Variants in PDE1C observed in about 807,000 individuals in gnomAD.
PDE1C encodes phosphodiesterase 1C.
Under a neutral mutation model 93.1 loss-of-function variants are expected in PDE1C, and 62 were observed. The ratio of observed to expected loss-of-function variants is 0.67; its 90% CI spans 0.54 to 0.82. The LOEUF (loss-of-function observed/expected upper bound fraction) is 0.82, where lower values mean the gene tolerates loss of function less well. Among genes scored for constraint, PDE1C ranks in the 40% least tolerant of loss-of-function variants. PDE1C has a pLI of 0.00. For synonymous variants in PDE1C, 325 were observed against 310.1 expected, an observed-to-expected ratio of 1.05 and a Z score of -0.50; for missense variants, 742 against 884.6, an observed-to-expected ratio of 0.84 and a Z score of 2.04.
At chr7:31,650,573 C>T in the PDE1C span, among the ~76,000 whole-genome samples, 1 of 152,144 alleles carries the variant, frequency 6.6e-6, no homozygotes, top group Non-Finnish European at 1.5e-5. Flanking sequence ...GATGCCTAAC[C>T]TTTGCCTGCC....
At chr7:32,395,235 A>G (rs1008130495) in intron 1 of PDE1C, among the ~76,000 whole-genome samples, 2 of 152,242 alleles carry the variant, frequency 1.3e-5, no homozygotes, top group Non-Finnish European at 2.9e-5. Context: ...AAGACATGTA[A>G]AACACATACC....
At chr7:32,172,788 C>T (rs1802731449) in intron 2 of PDE1C, among the ~76,000 whole-genome samples, 1 of 146,376 alleles carries the variant, frequency 6.8e-6, no homozygotes, top group Admixed American at 7.0e-5. Flanking sequence ...TGCCATTGCA[C>T]TCCAGCCTGG....
intron 1 of PDE1C, among the ~76,000 whole-genome samples, chr7:32,420,154 CACACAT>C (rs1471558592): frequency 9.0e-5 from 4 of 44,606 alleles, no homozygotes; most frequent in African/African-American, 2.1e-4. Context: ...CACACACACA[CACACAT>C]ATATATGTGT....
chr7:31,716,851 T>C, the PDE1C span, among the ~76,000 whole-genome samples: 1 of 152,188 alleles, frequency 6.6e-6, no homozygotes, highest in African/African-American at 2.4e-5. Context: ...CCTGTGGGCA[T>C]GTTGACACTG....
intron 1 of PDE1C, among the ~76,000 whole-genome samples, chr7:32,322,022 T>A (rs1028673557): frequency 2.0e-5 from 3 of 152,192 alleles, no homozygotes; most frequent in Non-Finnish European, 4.4e-5. Context: ...GTAATAATAG[T>A]TGAATTCACT....
At chr7:31,915,315 G>C (rs1001035796) in intron 2 of PDE1C, among the ~76,000 whole-genome samples, 3 of 152,110 alleles carry the variant, frequency 2.0e-5, no homozygotes, top group African/African-American at 7.2e-5. Context: ...CTGGCCTCCA[G>C]TATTTCCAAC....
At chr7:31,867,086 C>T (rs1305052432) in intron 6 of PDE1C, among the ~76,000 whole-genome samples, 1 of 152,036 alleles carries the variant, frequency 6.6e-6, no homozygotes, top group Non-Finnish European at 1.5e-5. Context: ...ACTCTGGAGC[C>T]CCATTGACAT....
At chr7:31,704,101 A>T in the PDE1C span, among the ~76,000 whole-genome samples, 1 of 152,190 alleles carries the variant, frequency 6.6e-6, no homozygotes, top group Admixed American at 6.5e-5. Context: ...ATCAAAGAGA[A>T]TCCTCCTGGA....
intron 2 of PDE1C, among the ~76,000 whole-genome samples, chr7:32,179,051 A>C (rs747453002): frequency 2.7e-4 from 41 of 152,244 alleles, no homozygotes; most frequent in Non-Finnish European, 5.3e-4. Context: ...TTACAGAGTT[A>C]GAAAACATTA....
At chr7:31,735,527 C>T in the PDE1C span, among the ~76,000 whole-genome samples, 1 of 152,198 alleles carries the variant, frequency 6.6e-6, no homozygotes, top group Non-Finnish European at 1.5e-5. Flanking sequence ...TGGGGTCAGA[C>T]TTCAGATCCT....
the PDE1C span, among the ~76,000 whole-genome samples, chr7:31,721,136 G>T: frequency 6.6e-6 from 1 of 152,164 alleles, no homozygotes; most frequent in Non-Finnish European, 1.5e-5. Context: ...AGGGTCCATT[G>T]TATCTGAAGC....
At chr7:32,019,245 T>C (rs906348153) in intron 2 of PDE1C, among the ~76,000 whole-genome samples, 3 of 150,036 alleles carry the variant, frequency 2.0e-5, no homozygotes, top group Non-Finnish European at 4.4e-5. Flanking sequence ...GAAGCAGCAA[T>C]GTGTAAGTAA....
At chr7:32,299,616 G>A (rs73314412), upstream of PDE1C, among the ~76,000 whole-genome samples, 2,120 of 152,344 alleles carry the variant, frequency 0.014, 53 homozygotes, top group African/African-American at 0.048. Flanking sequence ...TTATTACAGG[G>A]GAGGAAACTG....
At chr7:32,088,828 C>T (rs1393262514) in intron 3 of PDE1C, among the ~76,000 whole-genome samples, 1 of 152,206 alleles carries the variant, frequency 6.6e-6, no homozygotes. Flanking sequence ...CCAGATGTGA[C>T]TCATGCTGTT....
At chr7:32,390,705 T>C (rs1652630421) in intron 1 of PDE1C, among the ~76,000 whole-genome samples, 1 of 151,916 alleles carries the variant, frequency 6.6e-6, no homozygotes, top group East Asian at 1.9e-4. Flanking sequence ...AAATTAGCCC[T>C]GCATGGTGGT....
At chr7:31,836,646 C>T (rs941294984) in intron 11 of PDE1C, among the ~76,000 whole-genome samples, 13 of 152,242 alleles carry the variant, frequency 8.5e-5, no homozygotes, top group African/African-American at 3.1e-4. Flanking sequence ...CCTGCCTATT[C>T]TTATAGACAA....
intron 2 of PDE1C, among the ~76,000 whole-genome samples, chr7:32,199,133 T>TA (rs202068264): frequency 0.081 from 12,032 of 147,724 alleles, 503 homozygotes; most frequent in Non-Finnish European, 0.11. Flanking sequence ...AATAAAAATT[T>TA]AAAAAAAAAA....
At position 31,941,085 on chromosome 7, in the gene PDE1C, T is replaced by C. The variant is rs75307246; in HGVS notation, c.129-60225A>G. ...TATTTCAAAACACCAAGCAGCTAGCTACCTAAGCTGTTCACCCAAAGCACA... is the reference window on the plus strand; with the variant it reads ...TATTTCAAAACACCAAGCAGCTAGCCACCTAAGCTGTTCACCCAAAGCACA... On this transcript the variant is annotated intron_variant, in intron 2 of 17. Transcript: ENST00000396191. Among the ~76,000 whole-genome samples the C allele has an allele frequency of 9.1e-3, 1,379 of 152,086 alleles. 19 individuals are homozygous for C. Among genetic ancestry groups the C allele is most frequent in the African/African-American group, 0.031 (1,297 of 41,490 alleles).
chr7:31,680,324 C>G, the PDE1C span, among the ~76,000 whole-genome samples: 3 of 152,110 alleles, frequency 2.0e-5, no homozygotes, highest in African/African-American at 7.2e-5. Context: ...CAGATCTACC[C>G]GTTTCATTGA....
Sources: gnomAD v4.1 joint callset for allele counts (sites outside exome capture counted in the v4.1 genomes callset) on GRCh38, gnomAD v4.1.1 for gene constraint, MANE v1.5 for transcripts, NCBI Gene and HGNC (gene_info 2026-07-23, HGNC 2026-07-21) for gene names.